Variants in CNOT6L observed in about 807,000 individuals in gnomAD.
CNOT6L encodes the protein CCR4-NOT transcription complex subunit 6-like.
A neutral mutation model predicts 64.0 loss-of-function variants in CNOT6L; 7 were observed. The ratio of observed to expected loss-of-function variants is 0.11; its 90% CI spans 0.06 to 0.21. CNOT6L has a LOEUF of 0.21. Among genes scored for constraint, CNOT6L ranks in the 10% least tolerant of loss-of-function variants. The pLI is 1.00. For synonymous variants in CNOT6L, 193 were observed against 243.4 expected (o/e 0.79, Z 1.93); for missense variants, 245 against 669.0 (o/e 0.37, Z 6.99).
At position 77,771,341 on chromosome 4, in the gene CNOT6L, A is replaced by AG. The variant is rs575581377; in HGVS notation, c.400+1739dup. ...GTGAAACTCCATCTCAAAAAAAAAA[A>AG]GTAAATTATTCATTTGTCATTGATA... On this transcript the variant is annotated intron_variant, in intron 4 of 11. Transcript: ENST00000504123. Among the ~76,000 whole-genome samples the AG allele has an allele frequency of 3.2e-4, 49 of 152,296 alleles. No homozygotes were observed. The South Asian group carries it at 9.5e-3, about 30-fold the overall frequency.
intron 1 of CNOT6L, among the ~76,000 whole-genome samples, chr4:77,781,013 A>G (rs1728799573): frequency 6.6e-6 from 1 of 152,162 alleles, no homozygotes; most frequent in South Asian, 2.1e-4. Flanking sequence ...AAAAAGAGTG[A>G]GTTCATGTTC....
chr4:77,801,703 G>GGGGGGGA (rs1731599463), intron 1 of CNOT6L, among the ~76,000 whole-genome samples: 1 of 115,742 alleles, frequency 8.6e-6, no homozygotes, highest in African/African-American at 3.3e-5. Flanking sequence ...GGGGGGGGGA[G>GGGGGGGA]AATGAAACAT....
intron 5 of CNOT6L, among the ~76,000 whole-genome samples, chr4:77,752,179 AC>A (rs1387712805): frequency 6.6e-6 from 1 of 152,194 alleles, no homozygotes; most frequent in East Asian, 1.9e-4. Context: ...AAAGGAAAGA[AC>A]AAGGAATCAG....
At chr4:77,791,806 A>G (rs761692193) in intron 1 of CNOT6L, among the ~76,000 whole-genome samples, 20 of 152,166 alleles carry the variant, frequency 1.3e-4, no homozygotes, top group Non-Finnish European at 2.5e-4. Flanking sequence ...GTATTGTGAA[A>G]AATATTCCGA....
intron 3 of CNOT6L, 111 bp from the exon 4 acceptor site, chr4:77,773,277 A>T: frequency 1.6e-6 from 1 of 638,170 alleles, no homozygotes; most frequent in Non-Finnish European, 2.6e-6. Flanking sequence ...GTTTATATTC[A>T]AGGCACATTT....
At chr4:77,774,204 G>C (rs1022622893) in intron 3 of CNOT6L, among the ~76,000 whole-genome samples, 1 of 152,070 alleles carries the variant, frequency 6.6e-6, no homozygotes, top group African/African-American at 2.4e-5. Context: ...ATATGTTCTT[G>C]TAAGTTTTAT....
chr4:77,800,691 A>T (rs1484875309), intron 1 of CNOT6L, among the ~76,000 whole-genome samples: 1 of 152,216 alleles, frequency 6.6e-6, no homozygotes, highest in Non-Finnish European at 1.5e-5. Flanking sequence ...CTATTCTGAG[A>T]AGCAGGGTTT....
At chr4:77,784,076 T>C (rs930284252) in intron 1 of CNOT6L, among the ~76,000 whole-genome samples, 19 of 152,080 alleles carry the variant, frequency 1.2e-4, no homozygotes, top group Non-Finnish European at 1.5e-5. Flanking sequence ...AATCCAGAGA[T>C]AACTTACAGG....
chr4:77,805,306 C>T (rs1255055760), intron 1 of CNOT6L, among the ~76,000 whole-genome samples: 1 of 152,072 alleles, frequency 6.6e-6, no homozygotes, highest in African/African-American at 2.4e-5. Context: ...ATACTACCAT[C>T]TGCAAAGAAA....
intron 1 of CNOT6L, among the ~76,000 whole-genome samples, chr4:77,808,364 A>C (rs1052555117): frequency 5.4e-5 from 8 of 149,086 alleles, no homozygotes; most frequent in African/African-American, 2.0e-4. Context: ...CGGGAGGCTG[A>C]GGCAGGAGAA....
intron 6 of CNOT6L, 58 bp from the exon 7 acceptor site, chr4:77,744,933 A>T (rs988456449): frequency 6.9e-7 from 1 of 1,456,132 alleles, no homozygotes; most frequent in Non-Finnish European, 9.3e-7. Context: ...AACTTTTTCT[A>T]AAGCAATATC....
intron 1 of CNOT6L, among the ~76,000 whole-genome samples, chr4:77,808,099 A>G (rs1460572601): frequency 2.0e-5 from 3 of 152,310 alleles, no homozygotes. Context: ...TTACAGCAAA[A>G]AAGAATATGC....
chr4:77,775,572 A>G (rs1222536284), intron 2 of CNOT6L, among the ~76,000 whole-genome samples: 2 of 152,154 alleles, frequency 1.3e-5, no homozygotes, highest in African/African-American at 4.8e-5. Flanking sequence ...ACACTGGTGC[A>G]TTACTACTAA....
chr4:77,807,882 C>A (rs1001103183), intron 1 of CNOT6L, among the ~76,000 whole-genome samples: 4 of 152,150 alleles, frequency 2.6e-5, no homozygotes, highest in Non-Finnish European at 5.9e-5. Context: ...GCTTCAATTT[C>A]CTCAACTGTG....
upstream of CNOT6L, chr4:77,819,553 G>A (rs1734061972): frequency 4.4e-6 from 2 of 457,160 alleles, no homozygotes; most frequent in Non-Finnish European, 6.9e-6. Flanking sequence ...AGGGAACCCG[G>A]GCCCGGGGTC....
chr4:77,746,050 A>C (rs1321556044), intron 6 of CNOT6L, among the ~76,000 whole-genome samples: 1 of 152,178 alleles, frequency 6.6e-6, no homozygotes, highest in African/African-American at 2.4e-5. Context: ...AAGCCACTAC[A>C]CTGTGAAGTA....
chr4:77,817,506 T>C (rs1025685366), intron 1 of CNOT6L, among the ~76,000 whole-genome samples: 3 of 152,190 alleles, frequency 2.0e-5, no homozygotes, highest in Non-Finnish European at 2.9e-5. Context: ...GCCAAACATA[T>C]GTTTTCTCAT....
At chr4:77,805,210 C>G (rs1391478342) in intron 1 of CNOT6L, among the ~76,000 whole-genome samples, 2 of 152,086 alleles carry the variant, frequency 1.3e-5, no homozygotes, top group South Asian at 2.1e-4. Flanking sequence ...GCAGGATAAC[C>G]AGAAAATTAT....
intron 8 of CNOT6L, among the ~76,000 whole-genome samples, chr4:77,735,190 T>G (rs957272013): frequency 1.3e-5 from 2 of 152,292 alleles, no homozygotes; most frequent in Middle Eastern, 3.4e-3. Context: ...AGCTCCCTGT[T>G]GAGTCACCTG....
Sources: gnomAD v4.1 joint callset for allele counts (sites outside exome capture counted in the v4.1 genomes callset) on GRCh38, gnomAD v4.1.1 for gene constraint, MANE v1.5 for transcripts, NCBI Gene and HGNC (gene_info 2026-07-23, HGNC 2026-07-21) for gene names.